Variants in DNM1L observed in about 807,000 individuals in gnomAD.
DNM1L encodes the protein dynamin 1L, also known as dynamin-1-like protein.
DNM1L carries 33 observed loss-of-function variants against 92.8 expected under a neutral mutation model. The observed-to-expected ratio is 0.36, with a 90% CI of 0.27 to 0.48. The LOEUF is 0.48. Ranked by LOEUF, DNM1L falls within the 20% of genes least tolerant of loss-of-function variation. The pLI is 0.99. For synonymous variants in DNM1L, 284 were observed against 305.0 expected, an observed-to-expected ratio of 0.93 and a Z score of 0.72; for missense variants, 485 against 888.8, an observed-to-expected ratio of 0.55 and a Z score of 5.78.
intron 1 of DNM1L, among the ~76,000 whole-genome samples, chr12:32,694,510 C>CT (rs1262845025): frequency 6.6e-6 from 1 of 152,128 alleles, no homozygotes; most frequent in African/African-American, 2.4e-5. Flanking sequence ...TACCTTATTC[C>CT]TTTTTATGAC....
chr12:32,700,266 C>T (rs1313760915), intron 1 of DNM1L, among the ~76,000 whole-genome samples: 3 of 151,874 alleles, frequency 2.0e-5, no homozygotes, highest in Non-Finnish European at 4.4e-5. Context: ...ATTACAGGCG[C>T]GTGCCACCAC....
chr12:32,701,303 C>A, intron 1 of DNM1L, 112 bp from the exon 2 acceptor site: 1 of 941,498 alleles, frequency 1.1e-6, no homozygotes, highest in Non-Finnish European at 1.6e-6. Flanking sequence ...AGTCTCTGCA[C>A]TAATTTTTCC....
chr12:32,742,592 G>A lies in DNM1L; in HGVS notation c.1998G>A (p.Val666=). Residue 666 remains valine, a synonymous_variant, in exon 19 of 20, where the codon GTG becomes GTA. Coordinates refer to ENST00000549701, the MANE Select transcript of DNM1L (RefSeq NM_012062.5). The part of the protein sequence containing the change: ...LIVRKNIQDS[V]PKAVMHFLVN... ...ATAATTTGGTTGTGTTTTGCAGTGT[G>A]CCAAAGGCAGTAATGCATTTTTTGG... The A allele has an allele frequency of 6.2e-7, 1 of 1,614,028 alleles. No individual in the cohort carries two copies. The highest frequency in any genetic ancestry group is 8.5e-7 in the Non-Finnish European group (1 of 1,179,966).
At chr12:32,733,487 C>T in intron 12 of DNM1L, 1 of 498,010 alleles carries the variant, frequency 2.0e-6, no homozygotes. Context: ...TTATTTTTCC[C>T]TCTTAGAAAT....
chr12:32,721,238 G>T (rs769529534), intron 8 of DNM1L, among the ~76,000 whole-genome samples: 3 of 152,108 alleles, frequency 2.0e-5, no homozygotes, highest in Non-Finnish European at 4.4e-5. Flanking sequence ...CTATACGTTG[G>T]ATTCTGAATA....
rs1954535631 is a variant in DNM1L, at chr12:32,731,252, T to C, written c.1201-104T>C. On this transcript the variant is annotated intron_variant, in intron 10 of 19. Transcript: ENST00000549701. This position sits in a 1 kb window ranked among gnomAD's most constrained non-coding sequence, Gnocchi z 5.1. The stretch of plus-strand genomic sequence containing the variant: ...TTTATTTTGCTCTCATATTTGAAAT[T>C]AAAAAGCATTTTTCATGAAAAGTAC... The C allele has an allele frequency of 6.3e-7, 1 of 1,581,462 alleles. No individual in the cohort carries two copies. The highest frequency in any genetic ancestry group is 1.1e-5 in the South Asian group (1 of 87,564).
intron 1 of DNM1L, among the ~76,000 whole-genome samples, chr12:32,686,203 A>G (rs1952007233): frequency 6.6e-6 from 1 of 151,978 alleles, no homozygotes; most frequent in Non-Finnish European, 1.5e-5. Context: ...AGCATGTGCC[A>G]TGCCTGGCTA....
chr12:32,702,633 C>T (rs1360095629), intron 2 of DNM1L, among the ~76,000 whole-genome samples: 1 of 151,166 alleles, frequency 6.6e-6, no homozygotes, highest in Non-Finnish European at 1.5e-5. Context: ...ATTTTAATTT[C>T]TGTGTCTGAT....
chr12:32,703,903 T>C (rs1384370959), intron 2 of DNM1L, among the ~76,000 whole-genome samples: 19 of 152,218 alleles, frequency 1.2e-4, no homozygotes, highest in Non-Finnish European at 5.9e-5. Flanking sequence ...TGTCAGTATG[T>C]AGATTTATGG....
chr12:32,690,934 C>G (rs11052175), intron 1 of DNM1L, among the ~76,000 whole-genome samples: 23,404 of 152,012 alleles, frequency 0.15, 1,906 homozygotes, highest in Middle Eastern at 0.21. Context: ...TCATTTTGAC[C>G]AAAGTCTGGA....
At chr12:32,688,090 A>C (rs770754508) in intron 1 of DNM1L, among the ~76,000 whole-genome samples, 1 of 151,868 alleles carries the variant, frequency 6.6e-6, no homozygotes, top group Non-Finnish European at 1.5e-5. Context: ...ATGCCTGGCT[A>C]ATATTTGTTT....
At chr12:32,687,140 A>T (rs900229188) in intron 1 of DNM1L, among the ~76,000 whole-genome samples, 2 of 150,846 alleles carry the variant, frequency 1.3e-5, no homozygotes, top group Non-Finnish European at 1.5e-5. Flanking sequence ...CTTTTGGTTA[A>T]GGCTAATTTA....
chr12:32,719,375 G>A (rs1953700769), intron 7 of DNM1L, among the ~76,000 whole-genome samples: 1 of 152,168 alleles, frequency 6.6e-6, no homozygotes. Flanking sequence ...GAGGTACTGG[G>A]TAAGGGAAAA....
At chr12:32,723,362 A>G (rs1953893035) in intron 9 of DNM1L, among the ~76,000 whole-genome samples, 1 of 152,194 alleles carries the variant, frequency 6.6e-6, no homozygotes, top group Non-Finnish European at 1.5e-5. Flanking sequence ...ACTATTTCCT[A>G]AAAGAATGAA....
At chr12:32,689,274 T>G (rs1265203633) in intron 1 of DNM1L, among the ~76,000 whole-genome samples, 1 of 152,216 alleles carries the variant, frequency 6.6e-6, no homozygotes, top group Non-Finnish European at 1.5e-5. Context: ...CCTGGCTGAC[T>G]GCAACTTCTG....
intron 1 of DNM1L, 29 bp downstream of exon 1, chr12:32,679,494 GC>G (rs764639933): frequency 3.8e-6 from 6 of 1,590,234 alleles, no homozygotes; most frequent in Non-Finnish European, 5.1e-6. Context: ...GTTCGCTCGG[GC>G]CAGACCCCGG....
chr12:32,679,642 C>T (rs1951726855), intron 1 of DNM1L, 177 bp downstream of exon 1: 2 of 1,324,304 alleles, frequency 1.5e-6, no homozygotes, highest in South Asian at 1.9e-5. Context: ...CCCGCCCTCC[C>T]GGGGCAGCGT....
chr12:32,719,407 C>T lies in DNM1L; in HGVS notation c.740+644C>T, dbSNP rs557224810. 8.5e-5 allele frequency among the ~76,000 whole-genome samples: 13 copies of T among 152,266 alleles called. 1 individual carries two copies. The East Asian group carries it at 1.5e-3, about 18-fold the overall frequency. On this transcript the variant is annotated intron_variant, in intron 7 of 19. Transcript: ENST00000549701. ...AAAAATTATCTAATGTGCACCCAAT[C>T]GAGAAAGAGTTTAAGGTGGCAGGAT...
chr12:32,709,323 A>C (rs1378458490), intron 4 of DNM1L, among the ~76,000 whole-genome samples: 1 of 152,182 alleles, frequency 6.6e-6, no homozygotes, highest in Non-Finnish European at 1.5e-5. Flanking sequence ...TATTGATCAT[A>C]ACATCAGTCT....
Sources: allele counts gnomAD v4.1 joint callset (sites outside exome capture counted in the v4.1 genomes callset), GRCh38; gene constraint gnomAD v4.1.1; non-coding constraint Gnocchi (gnomAD v3.1); transcripts MANE v1.5; gene names NCBI Gene and HGNC (gene_info 2026-07-23, HGNC 2026-07-21).